Variants in GABRG3 observed in about 807,000 individuals in gnomAD.
GABRG3 encodes gamma-aminobutyric acid type A receptor subunit gamma3.
GABRG3 carries 25 observed loss-of-function variants against 48.8 expected under a neutral mutation model. The observed-to-expected ratio is 0.51, with a 90% CI of 0.37 to 0.72. GABRG3 has a LOEUF of 0.72. GABRG3 is among the 30% of genes least tolerant of loss of function. GABRG3 has a pLI of 0.00. For missense variants in GABRG3, 394 were observed against 577.9 expected (o/e 0.68, Z 3.26); for synonymous variants, 227 against 217.6 (o/e 1.04, Z -0.38).
At chr15:27,121,837 T>C (rs1447052255) in intron 3 of GABRG3, among the ~76,000 whole-genome samples, 1 of 152,202 alleles carries the variant, frequency 6.6e-6, no homozygotes, top group Non-Finnish European at 1.5e-5. Flanking sequence ...GAGATCATTA[T>C]GTTAAGTGAA....
intron 5 of GABRG3, among the ~76,000 whole-genome samples, chr15:27,337,400 C>T (rs1241807186): frequency 6.6e-6 from 1 of 152,116 alleles, no homozygotes; most frequent in African/African-American, 2.4e-5. Flanking sequence ...TTTTGCTATG[C>T]AATCAATATG....
chr15:27,135,231 G>A (rs1897987807), intron 3 of GABRG3, among the ~76,000 whole-genome samples: 2 of 152,192 alleles, frequency 1.3e-5, no homozygotes, highest in South Asian at 2.1e-4. Flanking sequence ...TGGCATATGT[G>A]TGTGTGTTCC....
chr15:27,086,881 C>T (rs1188005352), intron 3 of GABRG3, among the ~76,000 whole-genome samples: 2 of 152,316 alleles, frequency 1.3e-5, no homozygotes, highest in East Asian at 3.9e-4. Flanking sequence ...TCCTTGTGGG[C>T]CACTGTGTCT....
chr15:27,197,695 GC>G (rs1888540209), intron 3 of GABRG3, among the ~76,000 whole-genome samples: 1 of 152,092 alleles, frequency 6.6e-6, no homozygotes, highest in Admixed American at 6.5e-5. Context: ...ACCAGCTCCT[GC>G]TTGTACCTCT....
At chr15:27,384,348 A>G (rs1316991742) in intron 5 of GABRG3, among the ~76,000 whole-genome samples, 1 of 152,220 alleles carries the variant, frequency 6.6e-6, no homozygotes, top group Non-Finnish European at 1.5e-5. Context: ...AGCCTAGGAA[A>G]TGAGACTCAG....
intron 3 of GABRG3, among the ~76,000 whole-genome samples, chr15:27,178,480 C>T (rs578262596): frequency 7.5e-4 from 114 of 152,230 alleles, no homozygotes; most frequent in African/African-American, 2.6e-3. Context: ...ATGAACTGTA[C>T]GGGGCCAAGG....
chr15:27,122,284 G>C (rs1897744477), intron 3 of GABRG3, among the ~76,000 whole-genome samples: 1 of 152,106 alleles, frequency 6.6e-6, no homozygotes, highest in African/African-American at 2.4e-5. Context: ...AGATCTGTTG[G>C]CCAAATAATA....
At chr15:27,281,623 C>G (rs946197345) in intron 3 of GABRG3, among the ~76,000 whole-genome samples, 4 of 151,660 alleles carry the variant, frequency 2.6e-5, no homozygotes, top group Non-Finnish European at 5.9e-5. Flanking sequence ...TTTTCGGACA[C>G]TGTACTTTTC....
At chr15:27,205,848 T>G (rs1437216024) in intron 3 of GABRG3, among the ~76,000 whole-genome samples, 1 of 152,084 alleles carries the variant, frequency 6.6e-6, no homozygotes, top group Admixed American at 6.6e-5. Flanking sequence ...TTTTCTAGTT[T>G]GTGTACATAG....
At chr15:27,374,886 G>A (rs1566811934) in intron 5 of GABRG3, among the ~76,000 whole-genome samples, 1 of 152,154 alleles carries the variant, frequency 6.6e-6, no homozygotes, top group Non-Finnish European at 1.5e-5. Flanking sequence ...AACATCAACT[G>A]ACAAAAGGCA....
chr15:27,296,530 A>T (rs2140489900), intron 3 of GABRG3, among the ~76,000 whole-genome samples: 2 of 151,862 alleles, frequency 1.3e-5, no homozygotes, highest in South Asian at 4.1e-4. Context: ...CATGTGCTAC[A>T]TAATGATGTG....
intron 5 of GABRG3, among the ~76,000 whole-genome samples, chr15:27,416,297 A>C (rs1887938331): frequency 6.6e-6 from 1 of 152,068 alleles, no homozygotes; most frequent in Admixed American, 6.5e-5. Flanking sequence ...CAGGCTTTTA[A>C]TGAGCCTGTG....
At chr15:27,336,488 T>C (rs1182561044) in intron 5 of GABRG3, among the ~76,000 whole-genome samples, 1 of 152,190 alleles carries the variant, frequency 6.6e-6, no homozygotes, top group African/African-American at 2.4e-5. Context: ...TATCACTACA[T>C]ACCTATTAGA....
intron 7 of GABRG3, among the ~76,000 whole-genome samples, chr15:27,523,972 A>G (rs1891217683): frequency 6.6e-6 from 1 of 152,076 alleles, no homozygotes; most frequent in Non-Finnish European, 1.5e-5. Context: ...AAAAATATTC[A>G]AAGAAACAAT....
chr15:27,456,221 C>G (rs768779741), intron 5 of GABRG3, among the ~76,000 whole-genome samples: 65 of 152,190 alleles, frequency 4.3e-4, no homozygotes, highest in Non-Finnish European at 7.6e-4. Flanking sequence ...CTGCCCTGGA[C>G]AGGTAGAAAC....
At chr15:27,532,427 CAAAAAAA>C (rs374534463) in intron 9 of GABRG3, among the ~76,000 whole-genome samples, 166 bp from the exon 10 acceptor site, 3 of 74,684 alleles carry the variant, frequency 4.0e-5, no homozygotes, top group East Asian at 4.0e-4. Context: ...TCCTTAAAAC[CAAAAAAA>C]AAAAAAAAAA....
At chr15:27,056,456 A>G (rs968543955) in intron 3 of GABRG3, among the ~76,000 whole-genome samples, 4 of 152,172 alleles carry the variant, frequency 2.6e-5, no homozygotes, top group African/African-American at 9.7e-5. Context: ...TCCTGAAATG[A>G]AAATTAACAC....
intron 3 of GABRG3, among the ~76,000 whole-genome samples, chr15:27,168,760 C>A (rs1168911409): frequency 1.3e-5 from 2 of 152,294 alleles, no homozygotes; most frequent in Non-Finnish European, 2.9e-5. Context: ...TCACCAGACA[C>A]CAAATCTGCT....
chr15:27,368,474 T>C (rs1895285544), intron 5 of GABRG3, among the ~76,000 whole-genome samples: 1 of 152,268 alleles, frequency 6.6e-6, no homozygotes, highest in Non-Finnish European at 1.5e-5. Context: ...TGTAAAGTTA[T>C]TGCATAGCAT....
Sources: allele counts gnomAD v4.1 joint callset (sites outside exome capture counted in the v4.1 genomes callset), GRCh38; gene constraint gnomAD v4.1.1; transcripts MANE v1.5; gene names NCBI Gene and HGNC (gene_info 2026-07-23, HGNC 2026-07-21).